Variants in RIMS2 observed in about 807,000 individuals in gnomAD.
The protein encoded by RIMS2 is regulating synaptic membrane exocytosis 2, also known as regulating synaptic membrane exocytosis protein 2.
A neutral mutation model predicts 174.4 loss-of-function variants in RIMS2; 59 were observed. The ratio of observed to expected loss-of-function variants is 0.34; its 90% CI spans 0.27 to 0.42. The LOEUF (loss-of-function observed/expected upper bound fraction) is 0.42. RIMS2 is among the 10% of genes least tolerant of loss of function. RIMS2 has a pLI of 1.00. For synonymous variants in RIMS2, 606 were observed against 572.5 expected (o/e 1.06, Z -0.84); for missense variants, 1,620 against 1,666.3 (o/e 0.97, Z 0.48).
intron 16 of RIMS2, among the ~76,000 whole-genome samples, chr8:103,978,805 G>A (rs79052968): frequency 0.03 from 4,632 of 152,184 alleles, 214 homozygotes; most frequent in African/African-American, 0.1. Flanking sequence ...AAAAAAATTA[G>A]CAATGGCTTA....
chr8:103,673,567 T>A (rs768033683), intron 1 of RIMS2, among the ~76,000 whole-genome samples: 4 of 152,188 alleles, frequency 2.6e-5, no homozygotes, highest in Non-Finnish European at 2.9e-5. Flanking sequence ...TATCTGGGCC[T>A]CTTTGAGCCC....
chr8:103,900,294 G>A (rs1299923646), intron 4 of RIMS2, among the ~76,000 whole-genome samples: 1 of 151,660 alleles, frequency 6.6e-6, no homozygotes, highest in Admixed American at 6.6e-5. Context: ...TGTGATCTCA[G>A]CTCACTACAG....
At chr8:104,185,506 G>A (rs1482950060) in intron 19 of RIMS2, among the ~76,000 whole-genome samples, 1 of 151,526 alleles carries the variant, frequency 6.6e-6, no homozygotes, top group Admixed American at 6.6e-5. Context: ...CTAAAAGAGG[G>A]CCTTTGGCTA....
At chr8:103,654,253 C>A (rs779275587) in intron 1 of RIMS2, among the ~76,000 whole-genome samples, 8 of 151,782 alleles carry the variant, frequency 5.3e-5, no homozygotes, top group Admixed American at 2.0e-4. Flanking sequence ...AATAAAATGA[C>A]ATATTTTGTG....
intron 2 of RIMS2, among the ~76,000 whole-genome samples, chr8:103,729,139 A>G (rs532180987): frequency 1.3e-5 from 2 of 152,148 alleles, no homozygotes; most frequent in East Asian, 3.9e-4. Context: ...GAATACTTTG[A>G]GTAAGATTGG....
chr8:103,548,047 A>G (rs1358870411), intron 1 of RIMS2, among the ~76,000 whole-genome samples: 4 of 152,182 alleles, frequency 2.6e-5, no homozygotes, highest in African/African-American at 7.2e-5. Flanking sequence ...AAAGCCCAGG[A>G]GCAGATGAAT....
intron 3 of RIMS2, among the ~76,000 whole-genome samples, chr8:103,838,452 C>T (rs1032414537): frequency 1.3e-5 from 2 of 152,084 alleles, no homozygotes; most frequent in Non-Finnish European, 2.9e-5. Context: ...AGAAAATAGG[C>T]CCAATTTTAA....
intron 1 of RIMS2, among the ~76,000 whole-genome samples, chr8:103,506,914 C>G (rs1244008229): frequency 2.6e-5 from 4 of 152,096 alleles, no homozygotes; most frequent in Non-Finnish European, 4.4e-5. Context: ...TGGTAATCGG[C>G]AAGATACTGA....
chr8:103,711,337 C>T (rs1001741887), intron 2 of RIMS2, among the ~76,000 whole-genome samples: 10 of 152,090 alleles, frequency 6.6e-5, no homozygotes, highest in Non-Finnish European at 1.3e-4. Context: ...AAGAGGGCAG[C>T]GCCTTATTTC....
intron 19 of RIMS2, among the ~76,000 whole-genome samples, chr8:104,182,411 T>G (rs1425661726): frequency 6.6e-6 from 1 of 151,824 alleles, no homozygotes; most frequent in Non-Finnish European, 1.5e-5. Flanking sequence ...ATATTTAAAA[T>G]GTACAATCCA....
chr8:103,506,391 C>T (rs796622201), intron 1 of RIMS2, among the ~76,000 whole-genome samples: 22 of 152,234 alleles, frequency 1.4e-4, no homozygotes, highest in African/African-American at 4.8e-4. Context: ...TGAACTTTGA[C>T]TTGACACCTT....
At chr8:103,672,855 T>G (rs2096762384) in intron 1 of RIMS2, among the ~76,000 whole-genome samples, 1 of 152,164 alleles carries the variant, frequency 6.6e-6, no homozygotes, top group African/African-American at 2.4e-5. Flanking sequence ...GTTCTATTGT[T>G]TAAAGTCCAA....
At chr8:104,082,807 T>C (rs557004418) in intron 19 of RIMS2, among the ~76,000 whole-genome samples, 1 of 152,214 alleles carries the variant, frequency 6.6e-6, no homozygotes, top group African/African-American at 2.4e-5. Flanking sequence ...TTATGTTCTA[T>C]ATTATTTTTC....
chr8:104,235,614 C>T (rs922724388), intron 19 of RIMS2, among the ~76,000 whole-genome samples: 4 of 151,910 alleles, frequency 2.6e-5, no homozygotes, highest in African/African-American at 7.3e-5. Context: ...GACTGACAGA[C>T]GTTATTGACT....
chr8:104,073,656 C>T (rs1461136411), intron 19 of RIMS2, among the ~76,000 whole-genome samples: 1 of 152,026 alleles, frequency 6.6e-6, no homozygotes, highest in East Asian at 1.9e-4. Context: ...TCTATTTAAC[C>T]CATAATATAA....
At chr8:104,093,490 C>G (rs751153754) in intron 19 of RIMS2, 2 of 1,596,602 alleles carry the variant, frequency 1.3e-6, no homozygotes, top group Middle Eastern at 1.7e-4. Flanking sequence ...GGATGGGATC[C>G]TCATAGAGGG....
intron 1 of RIMS2, among the ~76,000 whole-genome samples, chr8:103,569,627 G>A (rs1314715550): frequency 7.0e-6 from 1 of 143,248 alleles, no homozygotes; most frequent in South Asian, 2.2e-4. Flanking sequence ...TTTTTTTTTT[G>A]TTTAAAGATA....
intron 1 of RIMS2, among the ~76,000 whole-genome samples, chr8:103,649,187 T>C (rs553454314): frequency 6.6e-6 from 1 of 152,264 alleles, no homozygotes; most frequent in East Asian, 1.9e-4. Context: ...CTTTTTCTCC[T>C]TCACTTATGA....
intron 4 of RIMS2, among the ~76,000 whole-genome samples, chr8:103,887,298 G>A (rs1046347025): frequency 1.3e-4 from 19 of 151,216 alleles, no homozygotes; most frequent in African/African-American, 4.6e-4. Context: ...TTTTTATATA[G>A]TTAGGATTTT....
Sources: allele counts gnomAD v4.1 joint callset (sites outside exome capture counted in the v4.1 genomes callset), GRCh38; gene constraint gnomAD v4.1.1; transcripts MANE v1.5; gene names NCBI Gene and HGNC (gene_info 2026-07-23, HGNC 2026-07-21).